Variants in CA4 observed in about 807,000 individuals in gnomAD.
CA4 encodes CA-IV.
Under a neutral mutation model 34.5 loss-of-function variants are expected in CA4, and 24 were observed. The observed-to-expected ratio is 0.70, with a 90% CI of 0.50 to 0.98. The LOEUF (loss-of-function observed/expected upper bound fraction) is 0.98. CA4 is among the 50% of genes least tolerant of loss of function. The pLI, the probability that CA4 is intolerant of heterozygous loss-of-function variation, is 0.00. For synonymous variants in CA4, 178 were observed against 170.6 expected, an observed-to-expected ratio of 1.04 and a Z score of -0.34; for missense variants, 394 against 396.7, an observed-to-expected ratio of 0.99 and a Z score of 0.06.
downstream of CA4, among the ~76,000 whole-genome samples, chr17:60,161,094 G>T (rs1260950379): frequency 6.6e-6 from 1 of 152,086 alleles, no homozygotes; most frequent in Non-Finnish European, 1.5e-5. Flanking sequence ...AGAGCTCATG[G>T]GGGTGTCCAA....
At chr17:60,150,827 C>T (rs568759409) in intron 1 of CA4, among the ~76,000 whole-genome samples, 13 of 151,900 alleles carry the variant, frequency 8.6e-5, no homozygotes, top group Non-Finnish European at 1.8e-4. Flanking sequence ...GGCGGTCTGG[C>T]AGGGTCCTGG....
chr17:60,155,744 A>C (rs1319680775), intron 2 of CA4, among the ~76,000 whole-genome samples: 1 of 152,036 alleles, frequency 6.6e-6, no homozygotes, highest in Non-Finnish European at 1.5e-5. Flanking sequence ...GCATAGAGTG[A>C]CCTGAGTCTT....
chr17:60,158,477 C>T, intron 7 of CA4, 31 bp downstream of exon 7: 1 of 1,607,798 alleles, frequency 6.2e-7, no homozygotes, highest in Non-Finnish European at 8.5e-7. Flanking sequence ...GGCATGGGCT[C>T]CCACTGCCTG....
chr17:60,157,617 C>T (rs534582186), intron 4 of CA4, 45 bp downstream of exon 4: 35 of 1,614,108 alleles, frequency 2.2e-5, no homozygotes, highest in South Asian at 9.9e-5. Flanking sequence ...GCTCTGGGCG[C>T]GCACCTGCCT....
downstream of CA4, among the ~76,000 whole-genome samples, chr17:60,172,708 G>A (rs2083921556): frequency 6.6e-6 from 1 of 151,998 alleles, no homozygotes; most frequent in African/African-American, 2.4e-5. Context: ...GCCAGGTGTG[G>A]TGGCGTGCGG....
At chr17:60,156,941 G>A (rs547074237) in intron 3 of CA4, 1 of 608,958 alleles carries the variant, frequency 1.6e-6, no homozygotes, top group Admixed American at 2.7e-5. Flanking sequence ...AACGTTCCAG[G>A]AAGAAGGACA....
downstream of CA4, among the ~76,000 whole-genome samples, chr17:60,171,075 G>C (rs1188521564): frequency 6.6e-6 from 1 of 152,202 alleles, no homozygotes; most frequent in Admixed American, 6.5e-5. Context: ...GAGCATTTAC[G>C]AATCACGAGT....
chr17:60,159,172 C>A, intron 7 of CA4, 58 bp from the exon 8 acceptor site: 1 of 1,474,136 alleles, frequency 6.8e-7, no homozygotes, highest in Non-Finnish European at 9.3e-7. Context: ...CCTGAGGTCA[C>A]ACGGCAGGGA....
chr17:60,155,359 C>A lies in CA4; in HGVS notation c.104C>A (p.Pro35His). ...YEVQAESSNY[P>H]CLVPVKWGGN... ...GTTCAAGCCGAGTCCTCCAACTACCCCTGCTTGGGTGAGTACAGCCAGTCC... is the reference window on the plus strand; with the variant it reads ...GTTCAAGCCGAGTCCTCCAACTACCACTGCTTGGGTGAGTACAGCCAGTCC... The change falls in exon 2 of 8, where the codon CCC becomes CAC. Residue 35 changes from proline (P) to histidine (H), a missense_variant. By Grantham distance (77) the Pro-to-His change is moderately conservative. Transcript: ENST00000300900. 6.2e-7 allele frequency: 1 copy of A among 1,609,588 alleles called. No individual in the cohort carries two copies. The highest frequency in any genetic ancestry group is 8.5e-7 in the Non-Finnish European group (1 of 1,178,030).
downstream of CA4, among the ~76,000 whole-genome samples, chr17:60,162,982 C>T (rs1329181594): frequency 6.6e-6 from 1 of 152,216 alleles, no homozygotes; most frequent in Non-Finnish European, 1.5e-5. Flanking sequence ...TGGGCCGCCT[C>T]TTTGGCCCCC....
rs1359548136 is a variant in CA4, at chr17:60,152,549, C to T, written c.58+2457C>T. On this transcript the variant is annotated intron_variant, in intron 1 of 7. Coordinates refer to ENST00000300900, the MANE Select transcript of CA4 (RefSeq NM_000717.5). ...AAAAGCTAAGCCTGGACCAGATGGG[C>T]CCCAGGGAGGCTGTGAGGCGAGTTA... Among the ~76,000 whole-genome samples, 3 of 152,308 alleles carry T rather than the reference C, an allele frequency of 2.0e-5. No individual in the cohort carries two copies. In the East Asian group the frequency reaches 5.8e-4, roughly 29 times the overall value.
At chr17:60,171,804 G>A (rs2083913387), downstream of CA4, among the ~76,000 whole-genome samples, 1 of 152,180 alleles carries the variant, frequency 6.6e-6, no homozygotes, top group African/African-American at 2.4e-5. Flanking sequence ...GGGTCTCAAT[G>A]TTGTTTCAAA....
intron 5 of CA4, among the ~76,000 whole-genome samples, chr17:60,170,087 G>A (rs1290678563): frequency 2.0e-5 from 3 of 152,174 alleles, no homozygotes; most frequent in African/African-American, 4.8e-5. Flanking sequence ...TGTCGGCCAC[G>A]TGATGAGCCT....
downstream of CA4, among the ~76,000 whole-genome samples, chr17:60,163,815 C>A (rs1354420050): frequency 6.6e-6 from 1 of 151,802 alleles, no homozygotes; most frequent in Non-Finnish European, 1.5e-5. Flanking sequence ...CATTCTGGAA[C>A]AAGATTTAAT....
Position 60,159,248 on chromosome 17 carries a change from A to G in CA4, c.763A>G (p.Lys255Glu). The G allele has an allele frequency of 6.2e-7, 1 of 1,605,262 alleles. No homozygotes were observed. The highest frequency in any genetic ancestry group is 1.1e-5 in the South Asian group (1 of 89,646). The stretch of plus-strand genomic sequence containing the variant: ...TCCGCAGATCCTGGCATTCTCTCAG[A>G]AGCTGTACTACGACAAGGAACAGAC... ...HREQILAFSQ[K>E]LYYDKEQTVS... The change falls in exon 8 of 8, where the codon AAG becomes GAG. Residue 255 changes from lysine (K) to glutamate (E), a missense_variant. Lys to Glu is a moderately conservative substitution (Grantham distance 56). Transcript: ENST00000300900.
chr17:60,166,374 G>C (rs1015401273), intron 5 of CA4, among the ~76,000 whole-genome samples: 2 of 152,178 alleles, frequency 1.3e-5, no homozygotes, highest in African/African-American at 4.8e-5. Flanking sequence ...CTCCTAAAGT[G>C]CTAGGATTAC....
intron 5 of CA4, among the ~76,000 whole-genome samples, chr17:60,166,787 T>C (rs2083860146): frequency 6.6e-6 from 1 of 152,066 alleles, no homozygotes; most frequent in South Asian, 2.1e-4. Context: ...CGAAACCCTG[T>C]CTCTACTAAA....
intron 1 of CA4, among the ~76,000 whole-genome samples, chr17:60,153,139 A>G (rs1329118495): frequency 2.6e-5 from 4 of 152,110 alleles, no homozygotes; most frequent in African/African-American, 4.8e-5. Context: ...GGAGTTCGAG[A>G]CCAGCCTGGT....
chr17:60,163,573 T>C (rs992278703), downstream of CA4, among the ~76,000 whole-genome samples: 5 of 152,204 alleles, frequency 3.3e-5, no homozygotes, highest in African/African-American at 1.2e-4. Context: ...TCTGTTTGTT[T>C]ATCTGAGAGG....
Sources: gnomAD v4.1 joint callset for allele counts (sites outside exome capture counted in the v4.1 genomes callset) on GRCh38, gnomAD v4.1.1 for gene constraint, MANE v1.5 for transcripts, NCBI Gene and HGNC (gene_info 2026-07-23, HGNC 2026-07-21) for gene names.